The following PTPRR variants were observed in gnomAD, a reference collection of about 807,000 sequenced individuals.
PTPRR encodes receptor-type tyrosine-protein phosphatase R.
In PTPRR, 38 loss-of-function variants were observed where a neutral mutation model predicts 77.2. The ratio of observed to expected loss-of-function variants is 0.49; its 90% CI spans 0.38 to 0.65. PTPRR has a LOEUF of 0.65. Among genes scored for constraint, PTPRR ranks in the 30% least tolerant of loss-of-function variants. The pLI, the probability that PTPRR is intolerant of heterozygous loss-of-function variation, is 0.00. For synonymous variants in PTPRR, 299 were observed against 283.1 expected (o/e 1.06, Z -0.57); for missense variants, 744 against 799.2 (o/e 0.93, Z 0.83).
intron 6 of PTPRR, among the ~76,000 whole-genome samples, chr12:70,703,122 A>G (rs1888493620): frequency 6.6e-6 from 1 of 151,620 alleles, no homozygotes; most frequent in African/African-American, 2.4e-5. Flanking sequence ...TTTCCTTCTA[A>G]CAGTTTTTAC....
chr12:70,724,587 G>T (rs545732040), intron 6 of PTPRR, among the ~76,000 whole-genome samples: 1 of 152,148 alleles, frequency 6.6e-6, no homozygotes. Context: ...TGCTACCCTT[G>T]TTGCAGCTTC....
chr12:70,815,133 C>CAAAAA lies in PTPRR; in HGVS notation c.358-50360_358-50356dup, dbSNP rs368833751. 3.6e-5 allele frequency among the ~76,000 whole-genome samples: 5 copies of CAAAAA among 139,110 alleles called. 1 individual carries two copies. Among genetic ancestry groups the CAAAAA allele is most frequent in the Non-Finnish European group, 4.6e-5 (3 of 64,992 alleles). The allele number at this position is 139,110 out of a possible 152,430, so 91.3% of individuals were successfully genotyped here. Reference sequence around the variant, plus strand: ...AACATTCTAAGGAGAGATAAGATATCAAAAAAAAAAAAAAACCCACGTGTC... The same window carrying CAAAAA: ...AACATTCTAAGGAGAGATAAGATATCAAAAAAAAAAAAAAAAAAAACCCACGTGTC... On this transcript the variant is annotated intron_variant, in intron 2 of 13. Coordinates refer to ENST00000283228, the MANE Select transcript of PTPRR (RefSeq NM_002849.4).
At chr12:70,774,114 A>C (rs1401972639) in intron 2 of PTPRR, among the ~76,000 whole-genome samples, 7 of 152,086 alleles carry the variant, frequency 4.6e-5, no homozygotes, top group Non-Finnish European at 1.0e-4. Context: ...TGTATTGGAG[A>C]CTCTGTCTAC....
intron 1 of PTPRR, among the ~76,000 whole-genome samples, chr12:70,895,395 A>G (rs3923630): frequency 0.61 from 91,991 of 151,190 alleles, 28,378 homozygotes; most frequent in Non-Finnish European, 0.67. Context: ...TAATAAATGC[A>G]TGCTAAAATT....
At chr12:70,763,925 C>T (rs1038618816) in intron 3 of PTPRR, among the ~76,000 whole-genome samples, 12 of 151,744 alleles carry the variant, frequency 7.9e-5, no homozygotes, top group South Asian at 2.1e-4. Flanking sequence ...TCCCAAACAC[C>T]GAGGAAAGAG....
chr12:70,874,877 G>A (rs949415354), intron 2 of PTPRR, among the ~76,000 whole-genome samples: 3 of 147,928 alleles, frequency 2.0e-5, no homozygotes, highest in African/African-American at 5.1e-5. Flanking sequence ...AGCGGAGATC[G>A]GGCCACTGCA....
chr12:70,776,474 C>T (rs1891090163), intron 2 of PTPRR, among the ~76,000 whole-genome samples: 1 of 152,076 alleles, frequency 6.6e-6, no homozygotes, highest in South Asian at 2.1e-4. Flanking sequence ...CTATTCTGTT[C>T]AAAATACTCT....
chr12:70,807,303 T>C (rs972133506), intron 2 of PTPRR, among the ~76,000 whole-genome samples: 3 of 152,222 alleles, frequency 2.0e-5, no homozygotes, highest in Admixed American at 6.5e-5. Flanking sequence ...TATTGCATCA[T>C]CCTCTTAACT....
At chr12:70,889,914 C>A (rs1341507368) in intron 2 of PTPRR, among the ~76,000 whole-genome samples, 1 of 152,082 alleles carries the variant, frequency 6.6e-6, no homozygotes, top group Non-Finnish European at 1.5e-5. Context: ...CCTTATATTC[C>A]CAAGCCTTAC....
intron 1 of PTPRR, among the ~76,000 whole-genome samples, chr12:70,902,122 C>A (rs1893545584): frequency 6.6e-6 from 1 of 151,874 alleles, no homozygotes; most frequent in South Asian, 2.1e-4. Context: ...GCAATACCAC[C>A]TTACTCGTGC....
intron 6 of PTPRR, among the ~76,000 whole-genome samples, chr12:70,722,862 A>G (rs1209856063): frequency 1.3e-5 from 2 of 152,174 alleles, no homozygotes; most frequent in African/African-American, 4.8e-5. Context: ...TATTGAACAG[A>G]TGTTTCATTA....
At chr12:70,672,330 A>C (rs979327327) in intron 10 of PTPRR, 2 of 1,545,336 alleles carry the variant, frequency 1.3e-6, no homozygotes, top group Non-Finnish European at 8.9e-7. Context: ...AAGTTTGCCA[A>C]CTCCATTGTG....
intron 2 of PTPRR, among the ~76,000 whole-genome samples, chr12:70,767,552 A>T (rs938624248): frequency 5.3e-5 from 8 of 152,118 alleles, no homozygotes; most frequent in Non-Finnish European, 1.2e-4. Flanking sequence ...TTAGACTCCT[A>T]CACAATAATA....
chr12:70,811,104 A>AT (rs1463642799), intron 2 of PTPRR, among the ~76,000 whole-genome samples: 11 of 152,174 alleles, frequency 7.2e-5, no homozygotes, highest in Admixed American at 2.0e-4. Flanking sequence ...AAAACACAAG[A>AT]TAAAAAAAAG....
At chr12:70,735,579 A>G (rs995529156) in intron 6 of PTPRR, among the ~76,000 whole-genome samples, 1 of 152,212 alleles carries the variant, frequency 6.6e-6, no homozygotes, top group Non-Finnish European at 1.5e-5. Context: ...TTGGGTGGGG[A>G]CATAGCCAAA....
At position 70,920,568 on chromosome 12, in the gene PTPRR, C is replaced by G; in HGVS notation, c.-178G>C. On this transcript the variant is annotated 5_prime_UTR_variant, in exon 1 of 14. It removes the in-frame stop codon of an upstream open reading frame in the 5' UTR. Coordinates refer to ENST00000283228, the MANE Select transcript of PTPRR (RefSeq NM_002849.4). ...GAAACCAGCACCAGCTTCAACCTCC[C>G]TAAGAGAGGGAGAGAGGAAGAGCAG... 4 of 598,268 alleles carry G rather than the reference C, an allele frequency of 6.7e-6. No homozygotes were observed. In the South Asian group the frequency reaches 7.4e-5, roughly 11 times the overall value. The allele number at this position is 598,268 out of a possible 1,614,324, so 37.1% of individuals were successfully genotyped here. A position where few individuals can be genotyped will look rare whatever the true frequency, so the allele number is the denominator to read the frequency against.
At chr12:70,692,012 T>C (rs1888072758) in intron 8 of PTPRR, among the ~76,000 whole-genome samples, 1 of 152,168 alleles carries the variant, frequency 6.6e-6, no homozygotes, top group Admixed American at 6.5e-5. Context: ...CTCTATAACA[T>C]ATAGAATTAT....
At chr12:70,890,237 T>C (rs948428479) in intron 2 of PTPRR, among the ~76,000 whole-genome samples, 13 of 152,210 alleles carry the variant, frequency 8.5e-5, no homozygotes, top group African/African-American at 2.9e-4. Context: ...AGCTTCTTAA[T>C]TGAGTTCCGG....
chr12:70,769,247 A>G (rs564770238), intron 2 of PTPRR, among the ~76,000 whole-genome samples: 159 of 151,136 alleles, frequency 1.1e-3, no homozygotes, highest in African/African-American at 3.7e-3. Flanking sequence ...ACGTGATTGT[A>G]TATCTAGAAA....
Sources: allele counts gnomAD v4.1 joint callset (sites outside exome capture counted in the v4.1 genomes callset), GRCh38; gene constraint gnomAD v4.1.1; transcripts MANE v1.5; gene names NCBI Gene and HGNC (gene_info 2026-07-23, HGNC 2026-07-21).